Variants in CHAT observed in about 807,000 individuals in gnomAD.
The protein encoded by CHAT is choline O-acetyltransferase.
A neutral mutation model predicts 76.9 loss-of-function variants in CHAT; 61 were observed. That is an observed-to-expected ratio of 0.79 (90% CI 0.65 to 0.98). The LOEUF is 0.98. Ranked by LOEUF, CHAT falls within the 50% of genes least tolerant of loss-of-function variation. CHAT has a pLI of 0.00. For missense variants in CHAT, 946 were observed against 986.9 expected (o/e 0.96, Z 0.56); for synonymous variants, 407 against 397.4 (o/e 1.02, Z -0.29).
At chr10:49,662,097 G>A (rs1159394549) in intron 13 of CHAT, among the ~76,000 whole-genome samples, 1 of 152,170 alleles carries the variant, frequency 6.6e-6, no homozygotes. Flanking sequence ...CCAAGATTCA[G>A]TAACAGATCT....
At chr10:49,650,714 C>T (rs544751427) in intron 10 of CHAT, among the ~76,000 whole-genome samples, 1 of 152,222 alleles carries the variant, frequency 6.6e-6, no homozygotes, top group East Asian at 1.9e-4. Flanking sequence ...CCTGAGGAGG[C>T]TGTGGGAAGG....
At chr10:49,657,184 C>T (rs1198573122) in intron 13 of CHAT, among the ~76,000 whole-genome samples, 3 of 152,172 alleles carry the variant, frequency 2.0e-5, no homozygotes, top group South Asian at 4.2e-4. Flanking sequence ...CCAGAAGGTT[C>T]AGTGTCTGGC....
intron 8 of CHAT, among the ~76,000 whole-genome samples, chr10:49,647,740 TTTCCTTCCTTCCTTCCTTCCTTCCTTCC>T (rs146751288): frequency 0.3 from 41,794 of 140,284 alleles, 7,790 homozygotes; most frequent in Non-Finnish European, 0.4. Context: ...AAGACACCGC[TTTCCTTCCTTCCTTCCTTCCTTCCTTCC>T]TTCCTTCCTT....
At chr10:49,610,806 C>G (rs1326749783), upstream of CHAT, 2 of 1,593,816 alleles carry the variant, frequency 1.3e-6, no homozygotes, top group South Asian at 2.3e-5. Flanking sequence ...AGGCTGTGGG[C>G]GCGGCGCTGC....
Position 49,620,602 on chromosome 10 carries a change from T to A in CHAT, c.687T>A (p.Asp229Glu). ...IFARQHFPGTDDQLRFAASLI... is the reference protein window; with the variant it reads ...IFARQHFPGTEDQLRFAASLI... ...CTCGGCAGCACTTCCCTGGCACCGA[T>A]GACCAGCTGAGGTGAGGCCTTGGTG... Residue 229 changes from aspartate (D) to glutamate (E), a missense_variant, in exon 4 of 15, where the codon GAT becomes GAA. Physicochemically the swap from Asp to Glu is conservative, Grantham distance 45. This residue lies in a region of CHAT where 548 missense variants were observed against 516.2 expected (regional missense o/e 1.06). Coordinates refer to ENST00000337653, the MANE Select transcript of CHAT (RefSeq NM_020549.5). 1 of 1,612,554 alleles carries A rather than the reference T, an allele frequency of 6.2e-7. No homozygotes were observed. The highest frequency in any genetic ancestry group is 1.1e-5 in the South Asian group (1 of 91,050).
chr10:49,619,188 C>T (rs1348568376), intron 2 of CHAT, among the ~76,000 whole-genome samples: 1 of 152,202 alleles, frequency 6.6e-6, no homozygotes, highest in Non-Finnish European at 1.5e-5. Flanking sequence ...CCTAAGAGTG[C>T]CCCCTTCAGG....
chr10:49,656,474 A>G (rs1840040279), intron 13 of CHAT, among the ~76,000 whole-genome samples: 1 of 152,150 alleles, frequency 6.6e-6, no homozygotes, highest in African/African-American at 2.4e-5. Context: ...AGCAGGGGAC[A>G]TGGAGGAGCC....
intron 7 of CHAT, among the ~76,000 whole-genome samples, chr10:49,630,223 A>G (rs1839069424): frequency 6.6e-6 from 1 of 152,180 alleles, no homozygotes; most frequent in South Asian, 2.1e-4. Context: ...GACCTGGGTG[A>G]GATAATCTAG....
chr10:49,648,324 G>A (rs1324100991), intron 8 of CHAT, among the ~76,000 whole-genome samples, 183 bp from the exon 9 acceptor site: 3 of 152,198 alleles, frequency 2.0e-5, no homozygotes, highest in Non-Finnish European at 2.9e-5. Flanking sequence ...GTGCAGAGTA[G>A]TCTTGGATTC....
At chr10:49,628,356 C>G (rs183376462) in intron 7 of CHAT, among the ~76,000 whole-genome samples, 2 of 152,344 alleles carry the variant, frequency 1.3e-5, no homozygotes, top group Admixed American at 1.3e-4. Flanking sequence ...CAAAGCTGGT[C>G]CTATTCCAGG....
At chr10:49,639,777 C>T (rs947040861) in intron 7 of CHAT, among the ~76,000 whole-genome samples, 2 of 152,088 alleles carry the variant, frequency 1.3e-5, no homozygotes, top group Admixed American at 6.6e-5. Context: ...TTTGGGGATG[C>T]GTTAGCCATT....
chr10:49,615,977 G>T (rs776402587), intron 1 of CHAT: 4 of 1,522,994 alleles, frequency 2.6e-6, no homozygotes. Context: ...GGCCTTAAAG[G>T]CCTCCATTCA....
intron 11 of CHAT, among the ~76,000 whole-genome samples, chr10:49,653,192 G>A (rs1450280777): frequency 6.6e-6 from 1 of 152,050 alleles, no homozygotes; most frequent in African/African-American, 2.4e-5. Context: ...AAGTGGTCCG[G>A]CCAGGTCTGG....
At chr10:49,616,453 C>A in intron 1 of CHAT, 49 bp from the exon 2 acceptor site, 1 of 1,420,672 alleles carries the variant, frequency 7.0e-7, no homozygotes, top group Non-Finnish European at 9.8e-7. Context: ...GGGTTTGTGA[C>A]AGGCCTATGT....
chr10:49,639,011 G>A (rs1839386827), intron 7 of CHAT, among the ~76,000 whole-genome samples: 1 of 152,096 alleles, frequency 6.6e-6, no homozygotes, highest in Non-Finnish European at 1.5e-5. Flanking sequence ...TGAGGAGGGT[G>A]GATCGTGAGG....
chr10:49,617,549 C>T (rs1159884531), intron 2 of CHAT, among the ~76,000 whole-genome samples: 1 of 152,208 alleles, frequency 6.6e-6, no homozygotes, highest in African/African-American at 2.4e-5. Flanking sequence ...GCTGCGATTT[C>T]CTGCTTTATT....
rs1278038996 is a variant in CHAT, at chr10:49,614,333, CGGAGGCCCTGCCGGGAACCCA to C, written c.147_167del (p.Gly50_Gly56del). On this transcript the variant is annotated inframe_deletion, in exon 1 of 15. Transcript: ENST00000337653. The stretch of plus-strand genomic sequence containing the variant: ...GTGGCCGCGGGGACCCGGGCGACGT[CGGAGGCCCTGCCGGGAACCCA>C]GGCTGCAGCCCCCACCCCCGCGCTG... 2 of 1,547,414 alleles carry C rather than the reference CGGAGGCCCTGCCGGGAACCCA, an allele frequency of 1.3e-6. No homozygotes were observed. Among genetic ancestry groups the C allele is most frequent in the Non-Finnish European group, 8.7e-7 (1 of 1,146,180 alleles).
At chr10:49,648,726 T>TACACACAAACACACAC (rs1362242321) in intron 9 of CHAT, 119 bp downstream of exon 9, 1 of 491,722 alleles carries the variant, frequency 2.0e-6, no homozygotes, top group African/African-American at 1.9e-5. Context: ...ATGTGTACTA[T>TACACACAAACACACAC]ACACACACAC....
chr10:49,653,162 C>T (rs1057321921), intron 11 of CHAT, among the ~76,000 whole-genome samples: 1 of 151,990 alleles, frequency 6.6e-6, no homozygotes, highest in African/African-American at 2.4e-5. Flanking sequence ...GACTGAATCA[C>T]AGACGGGAGG....
Sources: gnomAD v4.1 joint callset for allele counts (sites outside exome capture counted in the v4.1 genomes callset) on GRCh38, gnomAD v4.1.1 for gene constraint, gnomAD v4.1.1 regional missense constraint, MANE v1.5 for transcripts, NCBI Gene and HGNC (gene_info 2026-07-23, HGNC 2026-07-21) for gene names.